The following CRISP3 variants were observed in gnomAD, a reference collection of about 807,000 sequenced individuals.
CRISP3 encodes the protein cysteine rich secretory protein 3, also known as cysteine-rich secretory protein 3.
Under a neutral mutation model 36.1 loss-of-function variants are expected in CRISP3, and 33 were observed. The ratio of observed to expected loss-of-function variants is 0.91; its 90% CI spans 0.69 to 1.22. The LOEUF (loss-of-function observed/expected upper bound fraction) is 1.22, where lower values mean the gene tolerates loss of function less well. CRISP3 is among the 50% of genes most tolerant of loss of function. The pLI is 0.00. For synonymous variants in CRISP3, 117 were observed against 104.6 expected (o/e 1.12, Z -0.72); for missense variants, 330 against 301.2 (o/e 1.10, Z -0.71).
chr6:49,742,636 A>T (rs1298187216), intron 1 of CRISP3, among the ~76,000 whole-genome samples: 7 of 150,222 alleles, frequency 4.7e-5, no homozygotes, highest in African/African-American at 1.5e-4. Context: ...CATCTCAAAA[A>T]AAAAAAAAAA....
chr6:49,735,981 C>T (rs1769041932), intron 3 of CRISP3, among the ~76,000 whole-genome samples: 1 of 151,754 alleles, frequency 6.6e-6, no homozygotes, highest in Non-Finnish European at 1.5e-5. Context: ...CTTTTTTTCC[C>T]CCTCACTGAA....
At chr6:49,742,594 T>G (rs935770337) in intron 1 of CRISP3, among the ~76,000 whole-genome samples, 1 of 126,890 alleles carries the variant, frequency 7.9e-6, no homozygotes, top group African/African-American at 3.1e-5. Context: ...AGTGTGCCAC[T>G]GCACTCCAGC....
At chr6:49,741,464 TA>T (rs1164012858) in intron 1 of CRISP3, among the ~76,000 whole-genome samples, 1 of 152,062 alleles carries the variant, frequency 6.6e-6, no homozygotes, top group Non-Finnish European at 1.5e-5. Context: ...AAAAATATAT[TA>T]AAAATATCAT....
At chr6:49,735,887 A>G (rs965573390) in intron 3 of CRISP3, among the ~76,000 whole-genome samples, 8 of 152,158 alleles carry the variant, frequency 5.3e-5, no homozygotes, top group South Asian at 2.1e-4. Context: ...TGTTCTAAAT[A>G]TTGATAAACA....
intron 7 of CRISP3, 91 bp from the exon 8 acceptor site, chr6:49,728,948 G>T: frequency 8.1e-7 from 1 of 1,242,208 alleles, no homozygotes. Context: ...ACGGAGAGTA[G>T]GGAAGTGAGC....
At chr6:49,730,960 T>C (rs954700897) in intron 7 of CRISP3, among the ~76,000 whole-genome samples, 1 of 152,200 alleles carries the variant, frequency 6.6e-6, no homozygotes, top group Non-Finnish European at 1.5e-5. Flanking sequence ...AAGAATCACT[T>C]GATCCCTGCA....
At chr6:49,741,865 T>C (rs1769213725) in intron 1 of CRISP3, among the ~76,000 whole-genome samples, 1 of 147,368 alleles carries the variant, frequency 6.8e-6, no homozygotes, top group Non-Finnish European at 1.5e-5. Flanking sequence ...TAATGTAATG[T>C]ATACATTTTA....
intron 6 of CRISP3, among the ~76,000 whole-genome samples, chr6:49,732,364 T>C (rs1278896906): frequency 6.6e-6 from 1 of 152,162 alleles, no homozygotes; most frequent in African/African-American, 2.4e-5. Flanking sequence ...ATCTACAGCC[T>C]CAAAATAAGC....
intron 4 of CRISP3, among the ~76,000 whole-genome samples, chr6:49,734,633 A>T (rs1213827697): frequency 6.6e-6 from 1 of 152,148 alleles, no homozygotes; most frequent in Non-Finnish European, 1.5e-5. Context: ...TTAACAATAG[A>T]TTGGGATTTT....
chr6:49,737,198 G>A (rs1404194080), intron 2 of CRISP3, 127 bp downstream of exon 2: 1 of 673,684 alleles, frequency 1.5e-6, no homozygotes, highest in East Asian at 2.5e-5. Context: ...ACTACCTTGA[G>A]CTACTAATGA....
rs1331001306 is a variant in CRISP3 at position 49,743,938 on chromosome 6, T to C, written c.37+393A>G. ...CTATGGCATCCCATATAGCTGTATG[T>C]TTTAATATTAGTAAAAGTTACTGAT... On this transcript the variant is annotated intron_variant, in intron 1 of 7. Coordinates refer to ENST00000263045, the MANE Select transcript of CRISP3 (RefSeq NM_006061.4). 1.3e-5 allele frequency among the ~76,000 whole-genome samples: 2 copies of C among 152,112 alleles called. 1 individual carries two copies. Among genetic ancestry groups the C allele is most frequent in the Middle Eastern group, 6.4e-3 (2 of 312 alleles).
At chr6:49,737,985 A>G (rs1769103231) in intron 1 of CRISP3, among the ~76,000 whole-genome samples, 1 of 152,124 alleles carries the variant, frequency 6.6e-6, no homozygotes, top group Non-Finnish European at 1.5e-5. Context: ...ACTCTCTTCA[A>G]GTTTACCCAT....
intron 1 of CRISP3, among the ~76,000 whole-genome samples, chr6:49,740,965 G>C (rs1198924155): frequency 6.6e-6 from 1 of 151,874 alleles, no homozygotes; most frequent in Non-Finnish European, 1.5e-5. Flanking sequence ...GCCGGGCATG[G>C]TGGCGAGAGC....
chr6:49,739,401 T>C (rs1283817219), intron 1 of CRISP3, among the ~76,000 whole-genome samples: 2 of 152,186 alleles, frequency 1.3e-5, no homozygotes, highest in African/African-American at 4.8e-5. Flanking sequence ...TGGTATATAA[T>C]TACGGGAGCT....
rs1367235910 is a variant in CRISP3, at chr6:49,733,684, T to C, written c.462+19A>G. 1 of 1,594,234 alleles carries C rather than the reference T, an allele frequency of 6.3e-7. No homozygotes were observed. The highest frequency in any genetic ancestry group is 8.5e-7 in the Non-Finnish European group (1 of 1,169,600). On this transcript the variant is annotated intron_variant, in intron 5 of 7. Transcript: ENST00000263045. ...TAGGGCACTTATAAAGGAGATGGTT[T>C]TTCATTTCTTCTCCTTACCTGTGTA...
At chr6:49,731,308 C>A in intron 6 of CRISP3, 57 bp from the exon 7 acceptor site, 3 of 1,131,088 alleles carry the variant, frequency 2.7e-6, no homozygotes, top group South Asian at 1.4e-5. Flanking sequence ...CGTTTATGTT[C>A]CAAGGTTAGT....
chr6:49,739,198 G>A (rs902732959), intron 1 of CRISP3, among the ~76,000 whole-genome samples: 6 of 152,128 alleles, frequency 3.9e-5, no homozygotes, highest in African/African-American at 7.2e-5. Flanking sequence ...CCTCTAGTGC[G>A]TCTCCTGCAG....
chr6:49,741,130 AAAC>A (rs1157789895), intron 1 of CRISP3, among the ~76,000 whole-genome samples: 3 of 95,058 alleles, frequency 3.2e-5, no homozygotes, highest in South Asian at 4.1e-4. Context: ...CAAACAAAAA[AAAC>A]AAACAAAAAA....
At chr6:49,730,919 G>A (rs1482643738) in intron 7 of CRISP3, among the ~76,000 whole-genome samples, 1 of 152,156 alleles carries the variant, frequency 6.6e-6, no homozygotes, top group Non-Finnish European at 1.5e-5. Flanking sequence ...GCACGTGCCT[G>A]TAGTCCCAGC....
Sources: allele counts gnomAD v4.1 joint callset (sites outside exome capture counted in the v4.1 genomes callset), GRCh38; gene constraint gnomAD v4.1.1; transcripts MANE v1.5; gene names NCBI Gene and HGNC (gene_info 2026-07-23, HGNC 2026-07-21).